PCDHGB3: variants seen among roughly 807,000 people sequenced by gnomAD.
The protein encoded by PCDHGB3 is protocadherin gamma subfamily B, 3.
A neutral mutation model predicts 59.2 loss-of-function variants in PCDHGB3; 40 were observed. The observed-to-expected ratio is 0.68, with a 90% confidence interval of 0.52 to 0.88. The LOEUF (loss-of-function observed/expected upper bound fraction) is 0.88, where lower values mean the gene tolerates loss of function less well. Ranked by LOEUF, PCDHGB3 falls within the 40% of genes least tolerant of loss-of-function variation. PCDHGB3 has a pLI of 0.00. For synonymous variants in PCDHGB3, 581 were observed against 503.6 expected (o/e 1.15, Z -2.06); for missense variants, 1,309 against 1,187.9 (o/e 1.10, Z -1.50).
intron 1 of PCDHGB3, among the ~76,000 whole-genome samples, chr5:141,424,964 A>G (rs62378457): frequency 0.11 from 16,148 of 152,126 alleles, 960 homozygotes; most frequent in African/African-American, 0.17. Flanking sequence ...ATTTGCCCCA[A>G]ATTACTTGGA....
In PCDHGB3 at chr5:141,371,800, C is replaced by T. The variant is rs770172046; in HGVS notation, c.1406C>T (p.Ala469Val). The change falls in exon 1 of 4, where the codon GCC becomes GTC. Residue 469 changes from alanine (A) to valine (V), a missense_variant. By Grantham distance (64) the Ala-to-Val change is moderately conservative (BLOSUM62 0). Transcript: ENST00000576222. ...GTAGCTGAGAACAATCCGCCTGGAGCCTCCATTGCGCATGTCAGAGCCTCG... is the reference window on the plus strand; with the variant it reads ...GTAGCTGAGAACAATCCGCCTGGAGTCTCCATTGCGCATGTCAGAGCCTCG... ...VHVAENNPPG[A>V]SIAHVRASDP... is the part of the protein sequence containing the mutation. 3.7e-6 allele frequency: 6 copies of T among 1,613,760 alleles called. No individual in the cohort carries two copies. In the Admixed American group the frequency reaches 1.0e-4, roughly 27 times the overall value.
chr5:141,381,693 G>A (rs1777359039), intron 1 of PCDHGB3, among the ~76,000 whole-genome samples: 1 of 152,096 alleles, frequency 6.6e-6, no homozygotes, highest in African/African-American at 2.4e-5. Context: ...GACAAACAAC[G>A]ATTTCTTTCT....
chr5:141,486,505 T>C lies in PCDHGB3; in HGVS notation c.2416-8302T>C. The C allele has an allele frequency of 6.2e-7, 1 of 1,614,156 alleles. No individual in the cohort carries two copies. ...GTACCCACAGAACTATTTTCCTCAA[T>C]ATTTCAGATGTGAATGATAATCCAC... is the stretch of plus-strand genomic sequence containing the variant. On this transcript the variant is annotated intron_variant, in intron 1 of 3. Coordinates refer to ENST00000576222, the MANE Select transcript of PCDHGB3 (RefSeq NM_018924.5). The surrounding 1 kb of genome is among the most constrained non-coding windows in gnomAD (Gnocchi z 5.0).
intron 1 of PCDHGB3, chr5:141,416,205 A>T (rs1239154825): frequency 1.3e-5 from 2 of 152,458 alleles, no homozygotes; most frequent in Non-Finnish European, 2.9e-5. Context: ...CAATTTATTT[A>T]TAACAATGTA....
chr5:141,487,040 C>T lies in PCDHGB3; in HGVS notation c.2416-7767C>T, dbSNP rs374574042. The T allele has an allele frequency of 3.7e-6, 6 of 1,614,136 alleles. No homozygotes were observed. Among genetic ancestry groups the T allele is most frequent in the South Asian group, 1.1e-5 (1 of 91,082 alleles). On this transcript the variant is annotated intron_variant, in intron 1 of 3. Transcript: ENST00000576222. This position sits in a 1 kb window ranked among gnomAD's most constrained non-coding sequence, Gnocchi z 5.0. Reference sequence around the variant, plus strand: ...AGATCCCAGCCTGTTTGCAGTCTCTCGATATGCTGGGGAGGTGCGGACGGC... The same window carrying T: ...AGATCCCAGCCTGTTTGCAGTCTCTTGATATGCTGGGGAGGTGCGGACGGC...
In PCDHGB3 at chr5:141,476,718, C is replaced by T; in HGVS notation, c.2416-18089C>T. On this transcript the variant is annotated intron_variant, in intron 1 of 3. Transcript: ENST00000576222. The surrounding 1 kb of genome is among the most constrained non-coding windows in gnomAD (Gnocchi z 7.6). ...TACGCGGAGCTGGTGTTGGAGCGCG[C>T]CCTGGACCGAGAACGGGAGCCTAGT... The T allele has an allele frequency of 1.2e-6, 2 of 1,614,144 alleles. No individual in the cohort carries two copies. The highest frequency in any genetic ancestry group is 2.2e-5 in the East Asian group (1 of 44,874).
chr5:141,390,215 A>G, intron 1 of PCDHGB3: 1 of 1,614,038 alleles, frequency 6.2e-7, no homozygotes. Flanking sequence ...GACAAGACAT[A>G]CTTTGCGGTG....
At chr5:141,390,865 T>C (rs982852872) in intron 1 of PCDHGB3, 3 of 151,096 alleles carry the variant, frequency 2.0e-5, no homozygotes, top group Non-Finnish European at 2.9e-5. Context: ...ACGCTGTGTG[T>C]GCGTGTGTGT....
Position 141,376,352 on chromosome 5 carries a change from G to A in PCDHGB3, c.2415+3543G>A, listed in dbSNP as rs919062386. On this transcript the variant is annotated intron_variant, in intron 1 of 3. Coordinates refer to ENST00000576222, the MANE Select transcript of PCDHGB3 (RefSeq NM_018924.5). Reference sequence around the variant, plus strand: ...TTTCCTGCAGACCTATTCCCACGAGGTCTCACTCACTGCAGACTCGCGTAA... The same window carrying A: ...TTTCCTGCAGACCTATTCCCACGAGATCTCACTCACTGCAGACTCGCGTAA... 3.9e-5 allele frequency: 63 copies of A among 1,614,164 alleles called. No homozygotes were observed. In the East Asian group the frequency reaches 1.4e-3, roughly 35 times the overall value.
chr5:141,438,635 TACACAC>T (rs56854727), intron 1 of PCDHGB3, among the ~76,000 whole-genome samples: 557 of 33,182 alleles, frequency 0.017, 8 homozygotes, highest in South Asian at 0.028. Flanking sequence ...TATATATATA[TACACAC>T]ACACACACAC....
At chr5:141,418,127 A>T in intron 1 of PCDHGB3, 1 of 1,614,104 alleles carries the variant, frequency 6.2e-7, no homozygotes, top group Non-Finnish European at 8.5e-7. Context: ...GAAGGACCGA[A>T]TAGACCGTGA....
intron 1 of PCDHGB3, among the ~76,000 whole-genome samples, chr5:141,382,339 C>A (rs1018758986): frequency 2.6e-5 from 4 of 152,082 alleles, no homozygotes; most frequent in African/African-American, 9.7e-5. Context: ...TAAGTAAAAT[C>A]TTTCATATGT....
intron 1 of PCDHGB3, chr5:141,418,643 C>A (rs188546091): frequency 2.9e-5 from 46 of 1,614,022 alleles, no homozygotes; most frequent in Admixed American, 6.7e-5. Context: ...CACCTCCATC[C>A]TGAGAGTGAA....
At chr5:141,430,846 C>A in intron 1 of PCDHGB3, 1 of 1,576,344 alleles carries the variant, frequency 6.3e-7, no homozygotes, top group South Asian at 1.2e-5. Context: ...CCGGATGCAC[C>A]CAGATACGCT....
chr5:141,483,509 C>A (rs2099582178), intron 1 of PCDHGB3, among the ~76,000 whole-genome samples: 1 of 147,450 alleles, frequency 6.8e-6, no homozygotes, highest in African/African-American at 2.5e-5. Flanking sequence ...AGGCTGATCC[C>A]CCTAGATCCT....
intron 1 of PCDHGB3, among the ~76,000 whole-genome samples, chr5:141,473,195 C>T (rs1053769499): frequency 6.6e-6 from 1 of 152,104 alleles, no homozygotes; most frequent in African/African-American, 2.4e-5. Flanking sequence ...GTAAATGTAT[C>T]TTCTAAAAAA....
At chr5:141,402,947 G>A in intron 1 of PCDHGB3, 1 of 1,592,724 alleles carries the variant, frequency 6.3e-7, no homozygotes, top group South Asian at 1.1e-5. Flanking sequence ...CCAAAGCGAG[G>A]CAGCAATGGC....
intron 1 of PCDHGB3, chr5:141,384,147 T>A: frequency 6.2e-7 from 1 of 1,613,270 alleles, no homozygotes; most frequent in Non-Finnish European, 8.5e-7. Flanking sequence ...AAACACTCTC[T>A]TTGTATAACA....
intron 1 of PCDHGB3, among the ~76,000 whole-genome samples, chr5:141,434,479 A>C (rs2097696849): frequency 6.6e-6 from 1 of 152,202 alleles, no homozygotes; most frequent in African/African-American, 2.4e-5. Flanking sequence ...AGGGCAAGGA[A>C]CACCTGGCCC....
Sources: allele counts gnomAD v4.1 joint callset (sites outside exome capture counted in the v4.1 genomes callset), GRCh38; gene constraint gnomAD v4.1.1; non-coding constraint Gnocchi (gnomAD v3.1); transcripts MANE v1.5; gene names NCBI Gene and HGNC (gene_info 2026-07-23, HGNC 2026-07-21).